The following TPST2 variants were observed in gnomAD, a reference collection of about 807,000 sequenced individuals.
TPST2 encodes the protein tyrosylprotein sulfotransferase 2.
A neutral mutation model predicts 27.8 loss-of-function variants in TPST2; 16 were observed. The ratio of observed to expected loss-of-function variants is 0.58; its 90% CI spans 0.39 to 0.88. The LOEUF (loss-of-function observed/expected upper bound fraction) is 0.88, where lower values mean the gene tolerates loss of function less well. Ranked by LOEUF, TPST2 falls within the 40% of genes least tolerant of loss-of-function variation. The pLI, the probability that TPST2 is intolerant of heterozygous loss-of-function variation, is 0.00. For synonymous variants in TPST2, 229 were observed against 231.7 expected (o/e 0.99, Z 0.10); for missense variants, 464 against 543.1 (o/e 0.85, Z 1.45).
chr22:26,537,803 C>G (rs1925555952), intron 3 of TPST2, among the ~76,000 whole-genome samples: 1 of 152,132 alleles, frequency 6.6e-6, no homozygotes. Flanking sequence ...CTCCTGTGCA[C>G]ACGCTCTCTC....
chr22:26,539,941 G>A (rs1383815257), intron 3 of TPST2, among the ~76,000 whole-genome samples: 1 of 152,200 alleles, frequency 6.6e-6, no homozygotes. Flanking sequence ...TCAGGTTGCT[G>A]TGAGGATTAA....
At chr22:26,588,914 G>C (rs1345691798) in intron 1 of TPST2, among the ~76,000 whole-genome samples, 1 of 152,140 alleles carries the variant, frequency 6.6e-6, no homozygotes, top group Non-Finnish European at 1.5e-5. Context: ...GACATGCAAG[G>C]GAATGTCTGT....
intron 1 of TPST2, among the ~76,000 whole-genome samples, chr22:26,546,812 G>A (rs1002155203): frequency 2.6e-5 from 4 of 152,194 alleles, no homozygotes; most frequent in African/African-American, 7.2e-5. Flanking sequence ...ATCCAACCCA[G>A]GGCCTGTTTT....
chr22:26,580,544 A>ACC (rs2147240991), intron 1 of TPST2, among the ~76,000 whole-genome samples: 1 of 152,008 alleles, frequency 6.6e-6, no homozygotes, highest in Admixed American at 6.6e-5. Context: ...TACATCCAGA[A>ACC]CCCCCTTTAA....
At chr22:26,539,641 C>T (rs113615864) in intron 3 of TPST2, among the ~76,000 whole-genome samples, 2,659 of 151,718 alleles carry the variant, frequency 0.018, 37 homozygotes, top group Non-Finnish European at 0.026. Context: ...TGGAGATGCT[C>T]GCCTGTAGTC....
rs374077344 is a variant in TPST2, at chr22:26,535,303, T to C, written c.1041+985A>G. 5.9e-5 allele frequency among the ~76,000 whole-genome samples: 9 copies of C among 152,352 alleles called. No individual in the cohort carries two copies. The East Asian group carries it at 1.5e-3, about 26-fold the overall frequency. Reference sequence around the variant, plus strand: ...TTAAATTAAAGACTCTGGGTCTTAATGAAGTAAGGGCTGTGAAAGCTCTTC... The same window carrying C: ...TTAAATTAAAGACTCTGGGTCTTAACGAAGTAAGGGCTGTGAAAGCTCTTC... On this transcript the variant is annotated intron_variant, in intron 4 of 6. Coordinates refer to ENST00000338754, the MANE Select transcript of TPST2 (RefSeq NM_003595.5).
intron 1 of TPST2, among the ~76,000 whole-genome samples, chr22:26,548,009 A>C (rs1392686379): frequency 6.6e-6 from 1 of 152,216 alleles, no homozygotes; most frequent in African/African-American, 2.4e-5. Flanking sequence ...ATTCTGCTGC[A>C]CCAGCTACTG....
At chr22:26,542,610 G>A (rs193005190) in intron 2 of TPST2, among the ~76,000 whole-genome samples, 1 of 152,312 alleles carries the variant, frequency 6.6e-6, no homozygotes, top group Admixed American at 6.5e-5. Flanking sequence ...GAGAGAGATT[G>A]ATGGGTTCTA....
chr22:26,528,451 G>C (rs1380240358), intron 5 of TPST2, among the ~76,000 whole-genome samples, 189 bp from the exon 6 acceptor site: 1 of 152,114 alleles, frequency 6.6e-6, no homozygotes, highest in Admixed American at 6.6e-5. Context: ...TAGGATCACG[G>C]AACTTACGTT....
At chr22:26,536,551 G>A in intron 3 of TPST2, 65 bp from the exon 4 acceptor site, 1 of 1,365,896 alleles carries the variant, frequency 7.3e-7, no homozygotes, top group Non-Finnish European at 9.6e-7. Context: ...CGGATTCCCT[G>A]CTCAGCCACT....
In TPST2 at chr22:26,568,930, C is replaced by A. The variant is rs1008054709; in HGVS notation, c.-161+21123G>T. 4.4e-5 allele frequency among the ~76,000 whole-genome samples: 6 copies of A among 137,674 alleles called. 1 individual carries two copies. The highest frequency in any genetic ancestry group is 1.7e-4 in the African/African-American group (6 of 36,058). 90.3% of individuals were successfully genotyped at this position (137,674 alleles called of 152,430 possible). ...CCAGGCTGGAGTGCAGTGGCCCGAT[C>A]TCGGCTCACTGCAAGCTCCGCCTCC... is the stretch of plus-strand genomic sequence containing the variant. On this transcript the variant is annotated intron_variant, in intron 1 of 6. Transcript: ENST00000338754.
chr22:26,547,342 C>T (rs1028837520), intron 1 of TPST2, among the ~76,000 whole-genome samples: 1 of 152,172 alleles, frequency 6.6e-6, no homozygotes, highest in African/African-American at 2.4e-5. Flanking sequence ...TCAAGCAATA[C>T]TCTTGCCTGT....
At chr22:26,577,053 G>A (rs1406282316) in intron 1 of TPST2, among the ~76,000 whole-genome samples, 39 of 143,950 alleles carry the variant, frequency 2.7e-4, no homozygotes, top group Admixed American at 5.0e-4. Context: ...CTGAGATTGC[G>A]CCACTGCACT....
intron 1 of TPST2, chr22:26,560,792 C>G: frequency 7.5e-7 from 1 of 1,341,132 alleles, no homozygotes; most frequent in Non-Finnish European, 1.1e-6. Flanking sequence ...AAAAGAAGTT[C>G]AAGGATCCGA....
At chr22:26,583,532 C>A (rs1034915396) in intron 1 of TPST2, among the ~76,000 whole-genome samples, 3 of 147,180 alleles carry the variant, frequency 2.0e-5, no homozygotes, top group African/African-American at 7.5e-5. Flanking sequence ...AAACACAGAG[C>A]TGGAAGGGCT....
chr22:26,582,423 A>G (rs2267101), intron 1 of TPST2, among the ~76,000 whole-genome samples: 50,483 of 151,824 alleles, frequency 0.33, 8,844 homozygotes, highest in Admixed American at 0.43. Context: ...TCGAAACTCC[A>G]TCTAAACAGA....
At chr22:26,534,433 C>T (rs1925338156) in intron 4 of TPST2, among the ~76,000 whole-genome samples, 1 of 152,194 alleles carries the variant, frequency 6.6e-6, no homozygotes, top group African/African-American at 2.4e-5. Context: ...GAGACAGCTT[C>T]CATTTTAAAT....
At chr22:26,571,472 T>A (rs1927622843) in intron 1 of TPST2, among the ~76,000 whole-genome samples, 1 of 152,140 alleles carries the variant, frequency 6.6e-6, no homozygotes, top group African/African-American at 2.4e-5. Flanking sequence ...ACACATCATA[T>A]GATTGACTTA....
intron 1 of TPST2, among the ~76,000 whole-genome samples, chr22:26,586,295 G>A (rs1928347279): frequency 6.6e-6 from 1 of 151,950 alleles, no homozygotes; most frequent in Non-Finnish European, 1.5e-5. Flanking sequence ...ATCTCGCCCT[G>A]TTGCCCAGGC....
Sources: allele counts gnomAD v4.1 joint callset (sites outside exome capture counted in the v4.1 genomes callset), GRCh38; gene constraint gnomAD v4.1.1; transcripts MANE v1.5; gene names NCBI Gene and HGNC (gene_info 2026-07-23, HGNC 2026-07-21).